The following MTFR1 variants were observed in gnomAD, a reference collection of about 807,000 sequenced individuals.
The protein encoded by MTFR1 is mitochondrial fission regulator 1, also known as chondrocyte protein with a poly-proline region.
Under a neutral mutation model 38.8 loss-of-function variants are expected in MTFR1, and 28 were observed. The ratio of observed to expected loss-of-function variants is 0.72; its 90% CI spans 0.53 to 0.99. The LOEUF is 0.99. Ranked by LOEUF, MTFR1 falls within the 50% of genes least tolerant of loss-of-function variation. The probability of loss-of-function intolerance (pLI) is 0.00; values close to 1 mark genes in which losing one functional copy is unlikely to be tolerated. For synonymous variants in MTFR1, 145 were observed against 137.0 expected, an observed-to-expected ratio of 1.06 and a Z score of -0.41; for missense variants, 358 against 395.5, an observed-to-expected ratio of 0.91 and a Z score of 0.81.
intron 3 of MTFR1, among the ~76,000 whole-genome samples, chr8:65,730,831 G>C (rs1806854436): frequency 6.6e-6 from 1 of 152,204 alleles, no homozygotes; most frequent in African/African-American, 2.4e-5. Context: ...GCTGAGACAA[G>C]AGAATCGCTT....
intron 3 of MTFR1, among the ~76,000 whole-genome samples, chr8:65,730,141 G>A (rs1335449904): frequency 1.4e-5 from 2 of 142,546 alleles, no homozygotes; most frequent in African/African-American, 5.3e-5. Context: ...ATTGTAAACT[G>A]TGCATGTGAG....
rs1295965698 is a variant in MTFR1 at position 65,730,171 on chromosome 8, C to CTTCT, written c.*48+10692_*48+10693insCTTT. ...TGTGAGGGATCCAGGTTGCGCACTTCTTTTTTTTTTTTTTTTTTTTTTTTT... is the reference window on the plus strand; with the variant it reads ...TGTGAGGGATCCAGGTTGCGCACTTCTTCTTTTTTTTTTTTTTTTTTTTTTTTTT... On this transcript the variant is annotated intron_variant, in intron 3 of 3. Coordinates refer to the MTFR1 transcript ENST00000521247. Among the ~76,000 whole-genome samples, 56 of 86,450 alleles carry CTTCT rather than the reference C, an allele frequency of 6.5e-4. 7 individuals carry two copies. The highest frequency in any genetic ancestry group is 1.9e-3 in the South Asian group (4 of 2,108). 56.7% of individuals were successfully genotyped at this position (86,450 alleles called of 152,430 possible).
rs189791200 is a variant in MTFR1, at chr8:65,738,659, G to A, written c.*48+19178G>A. Reference sequence around the variant, plus strand: ...TGTTGGCCAAGCTGGTCTCCAACTCGTGGCCTCACGTGATCCACCCGCCTC... The same window carrying A: ...TGTTGGCCAAGCTGGTCTCCAACTCATGGCCTCACGTGATCCACCCGCCTC... On this transcript the variant is annotated intron_variant, in intron 3 of 3. Transcript: ENST00000521247. 3.7e-3 allele frequency among the ~76,000 whole-genome samples: 559 copies of A among 151,952 alleles called. 6 individuals are homozygous for A. The highest frequency in any genetic ancestry group is 6.0e-3 in the Non-Finnish European group (410 of 67,946).
chr8:65,721,231 A>C (rs1489776252), intron 3 of MTFR1, among the ~76,000 whole-genome samples: 1 of 152,200 alleles, frequency 6.6e-6, no homozygotes, highest in Non-Finnish European at 1.5e-5. Context: ...CAGATTTCAC[A>C]GGACGCCTTG....
chr8:65,685,679 G>A (rs191504797), intron 3 of MTFR1, among the ~76,000 whole-genome samples: 1 of 152,320 alleles, frequency 6.6e-6, no homozygotes, highest in Non-Finnish European at 1.5e-5. Flanking sequence ...TTGGTATTGA[G>A]TGGTGAATGA....
intron 2 of MTFR1, among the ~76,000 whole-genome samples, chr8:65,676,204 C>T (rs1478614297): frequency 6.6e-6 from 1 of 152,144 alleles, no homozygotes; most frequent in African/African-American, 2.4e-5. Context: ...TAAGAATTTA[C>T]ATTTTGTTGG....
At chr8:65,764,598 A>G (rs1212526558) in intron 3 of MTFR1, among the ~76,000 whole-genome samples, 1 of 152,230 alleles carries the variant, frequency 6.6e-6, no homozygotes, top group African/African-American at 2.4e-5. Flanking sequence ...GAAAAGCACT[A>G]AAAGCTTCCA....
intron 3 of MTFR1, among the ~76,000 whole-genome samples, chr8:65,755,125 A>T (rs1296104017): frequency 2.1e-5 from 3 of 144,480 alleles, no homozygotes; most frequent in African/African-American, 7.7e-5. Context: ...GGTTCAAGTG[A>T]TTCTCCTGCC....
At chr8:65,762,438 G>C (rs1219942588) in intron 3 of MTFR1, among the ~76,000 whole-genome samples, 1 of 152,198 alleles carries the variant, frequency 6.6e-6, no homozygotes, top group East Asian at 1.9e-4. Context: ...AGGCAGAGCA[G>C]CAAAGTACAT....
At chr8:65,766,786 G>A (rs1422593653) in intron 3 of MTFR1, among the ~76,000 whole-genome samples, 2 of 152,186 alleles carry the variant, frequency 1.3e-5, no homozygotes, top group Non-Finnish European at 2.9e-5. Flanking sequence ...AACGTTAGCT[G>A]AATGAAAGGG....
Position 65,708,249 on chromosome 8 carries a change from T to A in MTFR1, c.933+238T>A, listed in dbSNP as rs1054436025. The A allele has an allele frequency of 8.7e-6, 7 of 802,720 alleles. No individual in the cohort carries two copies. The African/African-American group carries it at 1.2e-4, about 14-fold the overall frequency. 49.7% of individuals were successfully genotyped at this position (802,720 alleles called of 1,614,324 possible). On this transcript the variant is annotated intron_variant, in intron 7 of 7. Coordinates refer to ENST00000262146, the MANE Select transcript of MTFR1 (RefSeq NM_014637.4). The stretch of plus-strand genomic sequence containing the variant: ...AAATAATAGTTGTTCATTTGGAAAT[T>A]TGAAACTTGTAGAAGAGCAGAAAGA...
intron 1 of MTFR1, among the ~76,000 whole-genome samples, chr8:65,665,694 C>G (rs749755912): frequency 1.3e-5 from 2 of 152,166 alleles, no homozygotes; most frequent in Non-Finnish European, 2.9e-5. Context: ...GATGGGGTCT[C>G]GCTTTGTTGA....
chr8:65,690,742 A>G (rs1805251633), intron 3 of MTFR1, among the ~76,000 whole-genome samples: 1 of 152,168 alleles, frequency 6.6e-6, no homozygotes, highest in Non-Finnish European at 1.5e-5. Flanking sequence ...TTCTAAACAA[A>G]GGGTCATGAT....
chr8:65,704,077 C>T (rs1006171402), intron 4 of MTFR1, among the ~76,000 whole-genome samples: 1 of 152,056 alleles, frequency 6.6e-6, no homozygotes, highest in East Asian at 1.9e-4. Context: ...CCTATAATTA[C>T]TATGTTTGAG....
chr8:65,679,058 T>C (rs918932359), intron 2 of MTFR1, among the ~76,000 whole-genome samples: 4 of 152,194 alleles, frequency 2.6e-5, no homozygotes, highest in African/African-American at 9.7e-5. Context: ...TGGCAAATCC[T>C]TTCTAAATTT....
chr8:65,660,506 AAG>A (rs917754635), intron 1 of MTFR1, among the ~76,000 whole-genome samples: 5 of 152,016 alleles, frequency 3.3e-5, no homozygotes, highest in Admixed American at 6.6e-5. Context: ...ATAAAAGACA[AAG>A]AGAGAGCAAA....
chr8:65,703,673 G>A (rs887881975), intron 4 of MTFR1, among the ~76,000 whole-genome samples: 2 of 151,974 alleles, frequency 1.3e-5, no homozygotes, highest in African/African-American at 4.8e-5. Flanking sequence ...GACCTCAGGT[G>A]ATCCACCCAC....
intron 1 of MTFR1, among the ~76,000 whole-genome samples, chr8:65,659,141 C>G (rs905740993): frequency 6.6e-6 from 1 of 152,178 alleles, no homozygotes; most frequent in African/African-American, 2.4e-5. Flanking sequence ...AGTCCACCGT[C>G]TATGTCACCT....
rs761574104 is a variant in MTFR1 at position 65,704,813 on chromosome 8, C to G, written c.401C>G (p.Ala134Gly). 2 of 1,614,078 alleles carry G rather than the reference C, an allele frequency of 1.2e-6. No homozygotes were observed. The highest frequency in any genetic ancestry group is 3.3e-5 in the Admixed American group (2 of 60,014). Residue 134 changes from alanine (A) to glycine (G), a missense_variant, in exon 5 of 8, where the codon GCG (alanine) becomes GGG (glycine). Transcript: ENST00000262146. Reference sequence around the variant, plus strand: ...GAAGAGCCTCAGCTGAAGACCCCAGCGCTGGCAAATGAGGAAGCACTGCAG... The same window carrying G: ...GAAGAGCCTCAGCTGAAGACCCCAGGGCTGGCAAATGAGGAAGCACTGCAG... The part of the protein sequence containing the change: ...SQEEPQLKTP[A>G]LANEEALQKI...
Sources: gnomAD v4.1 joint callset for allele counts (sites outside exome capture counted in the v4.1 genomes callset) on GRCh38, gnomAD v4.1.1 for gene constraint, MANE v1.5 for transcripts, NCBI Gene and HGNC (gene_info 2026-07-23, HGNC 2026-07-21) for gene names.